Variants in LSAMP observed in about 807,000 individuals in gnomAD.
The protein encoded by LSAMP is limbic system associated membrane protein.
Under a neutral mutation model 38.6 loss-of-function variants are expected in LSAMP, and 7 were observed. The observed-to-expected ratio is 0.18, with a 90% CI of 0.10 to 0.34. The LOEUF (loss-of-function observed/expected upper bound fraction) is 0.34, where lower values mean the gene tolerates loss of function less well. LSAMP is among the 10% of genes least tolerant of loss of function. LSAMP has a pLI of 1.00. For synonymous variants in LSAMP, 154 were observed against 166.8 expected (o/e 0.92, Z 0.59); for missense variants, 313 against 420.0 (o/e 0.75, Z 2.23).
chr3:116,354,313 T>C (rs111567672), intron 1 of LSAMP, among the ~76,000 whole-genome samples: 5 of 152,274 alleles, frequency 3.3e-5, no homozygotes, highest in African/African-American at 1.2e-4. Context: ...CCACACCTTA[T>C]TGATGCTACC....
rs187521066 is a variant in LSAMP at position 116,236,741 on chromosome 3, A to G, written c.156-150185T>C. On this transcript the variant is annotated intron_variant, in intron 1 of 6. Transcript: ENST00000490035. ...GTGTTATAGTATTTGGAAAAGGTCC[A>G]TTGTTTAAAGTTCTTTACCTCAAGA... Among the ~76,000 whole-genome samples the G allele has an allele frequency of 5.7e-3, 874 of 152,230 alleles. 7 individuals carry two copies. The highest frequency in any genetic ancestry group is 0.02 in the African/African-American group (827 of 41,556).
At chr3:116,043,390 G>A (rs918657958) in intron 2 of LSAMP, among the ~76,000 whole-genome samples, 2 of 152,124 alleles carry the variant, frequency 1.3e-5, no homozygotes, top group East Asian at 1.9e-4. Context: ...TAATGCCAAT[G>A]GACACAAAAA....
chr3:116,112,644 A>G (rs370218533), intron 1 of LSAMP, among the ~76,000 whole-genome samples: 11 of 152,308 alleles, frequency 7.2e-5, no homozygotes, highest in African/African-American at 1.9e-4. Flanking sequence ...GAAGTGTGCA[A>G]TTGGAAAGAG....
chr3:116,137,270 G>C (rs947286381), intron 1 of LSAMP, among the ~76,000 whole-genome samples: 1 of 151,968 alleles, frequency 6.6e-6, no homozygotes, highest in Admixed American at 6.6e-5. Context: ...CATCAGCCAA[G>C]GCCCTTGTGC....
intron 1 of LSAMP, among the ~76,000 whole-genome samples, chr3:116,392,189 C>T (rs1308465629): frequency 4.6e-5 from 7 of 152,184 alleles, no homozygotes; most frequent in South Asian, 2.1e-4. Flanking sequence ...TGGGGACAAG[C>T]GGGAGCCCTG....
intron 1 of LSAMP, among the ~76,000 whole-genome samples, chr3:116,328,246 C>T (rs773532957): frequency 6.6e-6 from 1 of 152,168 alleles, no homozygotes; most frequent in African/African-American, 2.4e-5. Context: ...CATCCCTTTC[C>T]ATTATGAATT....
chr3:115,959,782 A>T (rs187889760), intron 3 of LSAMP, among the ~76,000 whole-genome samples: 198 of 152,296 alleles, frequency 1.3e-3, no homozygotes, highest in African/African-American at 4.4e-3. Flanking sequence ...TTATAATTTT[A>T]TCATCACTAT....
At chr3:116,255,944 T>C (rs1559801456) in intron 1 of LSAMP, among the ~76,000 whole-genome samples, 1 of 152,132 alleles carries the variant, frequency 6.6e-6, no homozygotes, top group Non-Finnish European at 1.5e-5. Context: ...ATAATGGAAA[T>C]AGTCAGACAC....
At chr3:115,905,736 A>C (rs1209714256) in intron 3 of LSAMP, among the ~76,000 whole-genome samples, 1 of 152,162 alleles carries the variant, frequency 6.6e-6, no homozygotes, top group East Asian at 1.9e-4. Context: ...AAAGATGCTA[A>C]GATGCTCATT....
At chr3:116,013,221 G>A (rs11915447) in intron 3 of LSAMP, among the ~76,000 whole-genome samples, 3,226 of 152,276 alleles carry the variant, frequency 0.021, 83 homozygotes, top group African/African-American at 0.061. Context: ...TGCAAGAATA[G>A]CCAGCACGTT....
At chr3:116,314,726 A>G (rs2047605272) in intron 1 of LSAMP, among the ~76,000 whole-genome samples, 1 of 152,164 alleles carries the variant, frequency 6.6e-6, no homozygotes, top group African/African-American at 2.4e-5. Context: ...CTGCGTGCTT[A>G]GCTGGACCAT....
intron 1 of LSAMP, among the ~76,000 whole-genome samples, chr3:116,113,230 G>T (rs1457487744): frequency 2.0e-5 from 3 of 150,920 alleles, no homozygotes; most frequent in African/African-American, 4.9e-5. Context: ...TTTTAAGTAG[G>T]AGATTTAGAA....
chr3:116,096,670 C>T (rs1708233103), intron 1 of LSAMP, among the ~76,000 whole-genome samples: 1 of 152,204 alleles, frequency 6.6e-6, no homozygotes, highest in African/African-American at 2.4e-5. Context: ...TCATAAAGGG[C>T]AGAACTCATA....
In LSAMP at chr3:115,841,927, G is replaced by A. The variant is rs144838479; in HGVS notation, c.837C>T (p.Asn279=). 6.5e-5 allele frequency: 105 copies of A among 1,613,936 alleles called. 1 individual carries two copies. In the African/African-American group the frequency reaches 7.9e-4, roughly 12 times the overall value. ...TEGQSSLTVT[N]VTEEHYGNYT... ...AGTTGCCGTAGTGCTCCTCAGTGAC[G>A]TTGGTCACCGTCAGGGAAGACTGGC... The change falls in exon 6 of 7, where the codon AAC becomes AAT. Residue 279 remains asparagine, a synonymous_variant. Transcript: ENST00000490035.
intron 1 of LSAMP, among the ~76,000 whole-genome samples, chr3:116,397,812 G>A (rs543677486): frequency 3.8e-4 from 58 of 152,234 alleles, no homozygotes; most frequent in Non-Finnish European, 6.2e-4. Context: ...TGTGTCCCAC[G>A]TGGCCAGAAG....
chr3:116,123,950 G>C (rs1371536736), intron 1 of LSAMP, among the ~76,000 whole-genome samples: 2 of 152,156 alleles, frequency 1.3e-5, no homozygotes, highest in Non-Finnish European at 2.9e-5. Flanking sequence ...ATGAAGATAT[G>C]ATGTGGATAA....
rs67452614 is a variant in LSAMP at position 116,366,013 on chromosome 3, T to TAAAAAAAAA, written c.155+78855_155+78863dup. Among the ~76,000 whole-genome samples, 182 of 28,648 alleles carry TAAAAAAAAA rather than the reference T, an allele frequency of 6.4e-3. 7 individuals are homozygous for TAAAAAAAAA. Among genetic ancestry groups the TAAAAAAAAA allele is most frequent in the Non-Finnish European group, 7.7e-3 (126 of 16,468 alleles). 18.8% of individuals were successfully genotyped at this position (28,648 alleles called of 152,430 possible). A position where few individuals can be genotyped will look rare whatever the true frequency, so the allele number is the denominator to read the frequency against. ...ATGTACCCTAAAACTTAGAGTATAA[T>TAAAAAAAAA]AAAAAAAAAAAAAAAAAAAAAAAAA... On this transcript the variant is annotated intron_variant, in intron 1 of 6. Transcript: ENST00000490035.
At chr3:115,975,947 T>C (rs150751081) in intron 3 of LSAMP, among the ~76,000 whole-genome samples, 4 of 152,324 alleles carry the variant, frequency 2.6e-5, no homozygotes, top group East Asian at 1.9e-4. Context: ...TCCCAGTCAC[T>C]ACAGGTTGAA....
intron 3 of LSAMP, among the ~76,000 whole-genome samples, chr3:115,854,429 C>T (rs1935443975): frequency 1.3e-5 from 2 of 151,166 alleles, no homozygotes; most frequent in South Asian, 4.2e-4. Flanking sequence ...ACTACAGGCG[C>T]CCGCCACTGC....
Sources: allele counts gnomAD v4.1 joint callset (sites outside exome capture counted in the v4.1 genomes callset), GRCh38; gene constraint gnomAD v4.1.1; transcripts MANE v1.5; gene names NCBI Gene and HGNC (gene_info 2026-07-23, HGNC 2026-07-21).